ARK2C: variants seen among roughly 807,000 people sequenced by gnomAD.
ARK2C encodes the protein E3 ubiquitin-protein ligase ARK2C.
At chr18:46,444,089 G>T in the ARK2C span, among the ~76,000 whole-genome samples, 1 of 151,490 alleles carries the variant, frequency 6.6e-6, no homozygotes, top group Non-Finnish European at 1.5e-5. Flanking sequence ...TTGTCTTCTG[G>T]CTTGCTTTGT....
At chr18:46,348,145 C>T in the ARK2C span, among the ~76,000 whole-genome samples, 1 of 142,974 alleles carries the variant, frequency 7.0e-6, no homozygotes, top group African/African-American at 2.5e-5. Flanking sequence ...AGGGCAATGC[C>T]TGGGGGAGCT....
At chr18:46,371,116 C>G in the ARK2C span, among the ~76,000 whole-genome samples, 1 of 152,086 alleles carries the variant, frequency 6.6e-6, no homozygotes, top group Non-Finnish European at 1.5e-5. Flanking sequence ...AGAGGAACTC[C>G]CATTTATAAA....
At chr18:46,339,815 G>A in the ARK2C span, among the ~76,000 whole-genome samples, 2 of 152,220 alleles carry the variant, frequency 1.3e-5, no homozygotes, top group South Asian at 2.1e-4. Flanking sequence ...AAGTGTTGAG[G>A]CCCTAATGTG....
At chr18:46,455,817 A>G in the ARK2C span, among the ~76,000 whole-genome samples, 1 of 152,228 alleles carries the variant, frequency 6.6e-6, no homozygotes, top group Non-Finnish European at 1.5e-5. Context: ...CCTGGGCAAC[A>G]CAGCAAGAAT....
chr18:46,345,901 T>A, the ARK2C span, among the ~76,000 whole-genome samples: 4 of 152,184 alleles, frequency 2.6e-5, no homozygotes, highest in African/African-American at 9.7e-5. Context: ...AGGCCTCATC[T>A]TCCCAGAGCT....
At chr18:46,450,707 C>T in the ARK2C span, 15 of 1,613,246 alleles carry the variant, frequency 9.3e-6, no homozygotes, top group Admixed American at 1.7e-5. Flanking sequence ...TTTCCAGGAG[C>T]TGCTGCAGCT....
chr18:46,353,613 T>C, the ARK2C span, among the ~76,000 whole-genome samples: 1 of 152,116 alleles, frequency 6.6e-6, no homozygotes, highest in Non-Finnish European at 1.5e-5. Flanking sequence ...TGGAAGTGTG[T>C]GGGAGGACTC....
chr18:46,436,038 C>G, the ARK2C span, among the ~76,000 whole-genome samples: 3 of 152,296 alleles, frequency 2.0e-5, no homozygotes, highest in East Asian at 5.8e-4. Context: ...TCTTTGTTGT[C>G]CTGAGATGCA....
the ARK2C span, among the ~76,000 whole-genome samples, chr18:46,369,725 C>T: frequency 2.1e-4 from 32 of 152,200 alleles, no homozygotes; most frequent in Admixed American, 1.5e-3. Flanking sequence ...ACTCATAAAC[C>T]GGGGGGTCCT....
the ARK2C span, among the ~76,000 whole-genome samples, chr18:46,415,089 T>C: frequency 6.6e-6 from 1 of 152,180 alleles, no homozygotes; most frequent in Non-Finnish European, 1.5e-5. Context: ...CTGCTGCAGT[T>C]TCAGGGCCTG....
chr18:46,373,336 C>T, the ARK2C span, among the ~76,000 whole-genome samples: 6 of 152,248 alleles, frequency 3.9e-5, no homozygotes. Context: ...CCATTCCTGC[C>T]CTTCATCTTG....
the ARK2C span, among the ~76,000 whole-genome samples, chr18:46,409,153 G>C: frequency 9.3e-4 from 142 of 152,310 alleles, no homozygotes; most frequent in Non-Finnish European, 1.9e-3. Context: ...TATTACAACT[G>C]CAGGCCTTCA....
chr18:46,350,329 G>C, the ARK2C span, among the ~76,000 whole-genome samples: 1 of 152,194 alleles, frequency 6.6e-6, no homozygotes, highest in East Asian at 1.9e-4. Context: ...CATTTGGTGT[G>C]CTCCCCACTA....
chr18:46,362,707 G>A, the ARK2C span, among the ~76,000 whole-genome samples: 1 of 152,324 alleles, frequency 6.6e-6, no homozygotes, highest in African/African-American at 2.4e-5. Context: ...AATGCCCTGC[G>A]ACAACCACAT....
the ARK2C span, among the ~76,000 whole-genome samples, chr18:46,366,292 CAAAAAAAAAA>C: frequency 0.02 from 1,071 of 54,526 alleles, 28 homozygotes; most frequent in East Asian, 0.19. Flanking sequence ...AACTCTGGCT[CAAAAAAAAAA>C]AAAAAAAAAA....
At chr18:46,443,058 C>G in the ARK2C span, among the ~76,000 whole-genome samples, 10,965 of 152,234 alleles carry the variant, frequency 0.072, 442 homozygotes, top group African/African-American at 0.09. Flanking sequence ...ACAGCATATA[C>G]TTGGCAATTG....
At chr18:46,397,006 A>G in the ARK2C span, among the ~76,000 whole-genome samples, 2 of 152,126 alleles carry the variant, frequency 1.3e-5, no homozygotes. Flanking sequence ...CTTCTACCTC[A>G]GTGCTGGCTG....
chr18:46,452,375 G>A, the ARK2C span, among the ~76,000 whole-genome samples: 10 of 152,078 alleles, frequency 6.6e-5, no homozygotes, highest in Admixed American at 2.6e-4. Flanking sequence ...CACCTCCTGG[G>A]TTCAAGCAAT....
At chr18:46,368,806 A>T in the ARK2C span, among the ~76,000 whole-genome samples, 2 of 152,226 alleles carry the variant, frequency 1.3e-5, no homozygotes, top group Admixed American at 1.3e-4. Context: ...ATCATTGAAC[A>T]TCTTTGAACC....
Sources: allele counts gnomAD v4.1 joint callset (sites outside exome capture counted in the v4.1 genomes callset), GRCh38; gene constraint gnomAD v4.1.1; transcripts MANE v1.5; gene names NCBI Gene and HGNC (gene_info 2026-07-23, HGNC 2026-07-21).